Variants in LRP1B observed in about 807,000 individuals in gnomAD.
LRP1B encodes low-density lipoprotein receptor-related protein 1B.
In LRP1B, 217 loss-of-function variants were observed where a neutral mutation model predicts 556.6. That is an observed-to-expected ratio of 0.39 (90% confidence interval 0.35 to 0.44). LRP1B has a LOEUF of 0.44. Ranked by LOEUF, LRP1B falls within the 20% of genes least tolerant of loss-of-function variation. The pLI is 1.00. For missense variants in LRP1B, 5,053 were observed against 5,620.8 expected, an observed-to-expected ratio of 0.90 and a Z score of 3.23; for synonymous variants, 2,047 against 1,865.8, an observed-to-expected ratio of 1.10 and a Z score of -2.50.
chr2:140,364,911 T>G lies in LRP1B; in HGVS notation c.11009-128A>C, dbSNP rs559311444. On this transcript the variant is annotated intron_variant, in intron 71 of 90. Coordinates refer to ENST00000389484, the MANE Select transcript of LRP1B (RefSeq NM_018557.3). Reference sequence around the variant, plus strand: ...GCTTCCATATATGTATTATATTTATTTCAAGCATAATACCAGGAACAAGTA... The same window carrying G: ...GCTTCCATATATGTATTATATTTATGTCAAGCATAATACCAGGAACAAGTA... 132 of 681,088 alleles carry G rather than the reference T, an allele frequency of 1.9e-4. No homozygotes were observed. In the Middle Eastern group the frequency reaches 4.3e-3, roughly 22 times the overall value. The allele number at this position is 681,088 out of a possible 1,614,324, so 42.2% of individuals were successfully genotyped here. A position where few individuals can be genotyped will look rare whatever the true frequency, so the allele number is the denominator to read the frequency against.
chr2:140,439,168 A>G lies in LRP1B; in HGVS notation c.10414+3336T>C, dbSNP rs180675686. On this transcript the variant is annotated intron_variant, in intron 66 of 90. Coordinates refer to ENST00000389484, the MANE Select transcript of LRP1B (RefSeq NM_018557.3). ...CTTGAAATAGGAGAGAGTAGGCTGA[A>G]GGTGAAAAAAGTTTGAAGTTGAAAT... Among the ~76,000 whole-genome samples, 196 of 152,296 alleles carry G rather than the reference A, an allele frequency of 1.3e-3. 1 individual carries two copies. The highest frequency in any genetic ancestry group is 2.6e-3 in the Non-Finnish European group (175 of 68,026).
At chr2:141,815,840 C>A (rs1357867645) in intron 1 of LRP1B, among the ~76,000 whole-genome samples, 1 of 150,858 alleles carries the variant, frequency 6.6e-6, no homozygotes, top group Non-Finnish European at 1.5e-5. Flanking sequence ...CTGTAACACT[C>A]ACTATTAAGG....
At chr2:140,509,561 C>T (rs1230357350) in intron 52 of LRP1B, among the ~76,000 whole-genome samples, 1 of 152,132 alleles carries the variant, frequency 6.6e-6, no homozygotes, top group Non-Finnish European at 1.5e-5. Context: ...GTCTCTGTAA[C>T]AGACAATCTA....
chr2:141,252,468 T>C (rs1344561386), intron 4 of LRP1B, among the ~76,000 whole-genome samples: 1 of 152,184 alleles, frequency 6.6e-6, no homozygotes, highest in Non-Finnish European at 1.5e-5. Context: ...TTGAAGTAAA[T>C]GCTTTTGGTG....
intron 11 of LRP1B, among the ~76,000 whole-genome samples, chr2:141,022,588 T>C (rs1386755592): frequency 6.6e-6 from 1 of 151,972 alleles, no homozygotes; most frequent in Non-Finnish European, 1.5e-5. Context: ...TTTGATATTT[T>C]ATTCAAAGGG....
intron 32 of LRP1B, among the ~76,000 whole-genome samples, chr2:140,801,776 G>A (rs1457747511): frequency 6.6e-6 from 1 of 152,054 alleles, no homozygotes; most frequent in Non-Finnish European, 1.5e-5. Context: ...TTTGAAAGTG[G>A]CTAAGTAGGT....
In LRP1B at chr2:140,506,901, C is replaced by T. The variant is rs2104907569; in HGVS notation, c.8416G>A (p.Asp2806Asn). ...TTATGGCACATGAAAGCATTTTCATCACATGTATTATTGGGAGCTAAGAAA... is the reference window on the plus strand; with the variant it reads ...TTATGGCACATGAAAGCATTTTCATTACATGTATTATTGGGAGCTAAGAAA... ...TAGCAPNNTCDENAFMCHNKV... is the reference protein window; with the variant it reads ...TAGCAPNNTCNENAFMCHNKV... The change falls in exon 53 of 91, where the codon GAT becomes AAT. Residue 2806 changes from aspartate to asparagine, a missense_variant. Physicochemically the swap from Asp to Asn is conservative, Grantham distance 23. This residue lies in a region of LRP1B where 3,619 missense variants were observed against 3,931.9 expected (regional missense o/e 0.92). Transcript: ENST00000389484. 2 of 1,613,726 alleles carry T rather than the reference C, an allele frequency of 1.2e-6. No homozygotes were observed. Among genetic ancestry groups the T allele is most frequent in the Non-Finnish European group, 1.7e-6 (2 of 1,179,842 alleles).
intron 41 of LRP1B, among the ~76,000 whole-genome samples, chr2:140,628,906 C>T (rs1683776815): frequency 6.6e-6 from 1 of 152,044 alleles, no homozygotes; most frequent in South Asian, 2.1e-4. Context: ...CTGCTCCAGC[C>T]ATATAGGCCA....
intron 2 of LRP1B, among the ~76,000 whole-genome samples, chr2:141,623,330 T>TA (rs1688572884): frequency 6.6e-6 from 1 of 152,178 alleles, no homozygotes; most frequent in Admixed American, 6.5e-5. Flanking sequence ...GTAAAGATGG[T>TA]AAAAATAAGC....
chr2:141,358,743 A>T (rs1334369202), intron 3 of LRP1B, among the ~76,000 whole-genome samples: 1 of 152,188 alleles, frequency 6.6e-6, no homozygotes, highest in Non-Finnish European at 1.5e-5. Flanking sequence ...ATAGCAACAC[A>T]GTTTTCTATA....
chr2:141,263,785 A>G, intron 3 of LRP1B, among the ~76,000 whole-genome samples: 1 of 152,294 alleles, frequency 6.6e-6, no homozygotes, highest in South Asian at 2.1e-4. Flanking sequence ...GCAATATATA[A>G]AAGGATAATA....
intron 3 of LRP1B, among the ~76,000 whole-genome samples, chr2:141,477,812 C>T (rs1682769174): frequency 6.6e-6 from 1 of 152,012 alleles, no homozygotes; most frequent in Non-Finnish European, 1.5e-5. Context: ...AAGTAGAAAT[C>T]CAAATATATT....
intron 1 of LRP1B, among the ~76,000 whole-genome samples, chr2:141,963,071 T>C (rs1192220849): frequency 2.6e-5 from 4 of 151,664 alleles, no homozygotes; most frequent in African/African-American, 9.7e-5. Context: ...CACAAGAGGG[T>C]TTTTTCTATC....
intron 1 of LRP1B, among the ~76,000 whole-genome samples, chr2:142,017,665 A>T (rs7593415): frequency 6.6e-6 from 1 of 151,716 alleles, no homozygotes; most frequent in African/African-American, 2.4e-5. Context: ...ACTTGTGCCC[A>T]AGAGTTTTGA....
chr2:141,494,283 T>C (rs1489603176), intron 2 of LRP1B, among the ~76,000 whole-genome samples: 1 of 152,172 alleles, frequency 6.6e-6, no homozygotes, highest in Non-Finnish European at 1.5e-5. Flanking sequence ...ATATCCTCTT[T>C]GTGCTAGAAC....
intron 66 of LRP1B, among the ~76,000 whole-genome samples, chr2:140,399,780 G>A (rs755379044): frequency 6.6e-6 from 1 of 152,176 alleles, no homozygotes; most frequent in Non-Finnish European, 1.5e-5. Context: ...AAAAGGAAGA[G>A]GAAACCATTG....
At chr2:141,135,735 G>T (rs146482156) in intron 7 of LRP1B, among the ~76,000 whole-genome samples, 2 of 151,974 alleles carry the variant, frequency 1.3e-5, no homozygotes, top group African/African-American at 4.8e-5. Flanking sequence ...GGACCCCTTT[G>T]AATTTTCCCA....
intron 1 of LRP1B, among the ~76,000 whole-genome samples, chr2:142,014,866 C>T (rs974930116): frequency 2.0e-5 from 3 of 152,168 alleles, no homozygotes; most frequent in Non-Finnish European, 4.4e-5. Flanking sequence ...TTCCATTAAT[C>T]TGAGGATGAT....
chr2:140,755,611 A>G (rs1259159371), intron 35 of LRP1B, among the ~76,000 whole-genome samples: 1 of 151,802 alleles, frequency 6.6e-6, no homozygotes, highest in Non-Finnish European at 1.5e-5. Flanking sequence ...AAAGCATCTA[A>G]TAAAATATAC....
Sources: allele counts gnomAD v4.1 joint callset (sites outside exome capture counted in the v4.1 genomes callset), GRCh38; gene constraint gnomAD v4.1.1; regional missense constraint gnomAD v4.1.1; transcripts MANE v1.5; gene names NCBI Gene and HGNC (gene_info 2026-07-23, HGNC 2026-07-21).